The following CAP2 variants were observed in gnomAD, a reference collection of about 807,000 sequenced individuals.
The protein encoded by CAP2 is adenylyl cyclase-associated protein 2.
In CAP2, 24 loss-of-function variants were observed where a neutral mutation model predicts 57.7. The ratio of observed to expected loss-of-function variants is 0.42; its 90% CI spans 0.30 to 0.58. The LOEUF (loss-of-function observed/expected upper bound fraction) is 0.58, where lower values mean the gene tolerates loss of function less well. Ranked by LOEUF, CAP2 falls within the 20% of genes least tolerant of loss-of-function variation. The pLI is 0.22. For synonymous variants in CAP2, 194 were observed against 207.2 expected (o/e 0.94, Z 0.55); for missense variants, 501 against 590.3 (o/e 0.85, Z 1.57).
At chr6:17,486,378 T>C (rs1238919263) in intron 4 of CAP2, among the ~76,000 whole-genome samples, 2 of 151,862 alleles carry the variant, frequency 1.3e-5, no homozygotes, top group Admixed American at 6.6e-5. Context: ...CTAAGGCGGG[T>C]GGGTAGTTTA....
At chr6:17,484,893 A>T (rs1761383713) in intron 4 of CAP2, among the ~76,000 whole-genome samples, 1 of 152,200 alleles carries the variant, frequency 6.6e-6, no homozygotes, top group African/African-American at 2.4e-5. Context: ...TTCTCTGGCC[A>T]CAAATTGTTC....
rs960331912 is a variant in CAP2 at position 17,502,572 on chromosome 6, T to G, written c.301-4597T>G. 4.6e-5 allele frequency among the ~76,000 whole-genome samples: 7 copies of G among 152,302 alleles called. No individual in the cohort carries two copies. The East Asian group carries it at 1.3e-3, about 29-fold the overall frequency. The stretch of plus-strand genomic sequence containing the variant: ...GCCAAGCTAAAGCAAAAGAAAACTT[T>G]CTCAATCTTTATGATGCTTTCATCA... On this transcript the variant is annotated intron_variant, in intron 4 of 12. Transcript: ENST00000229922.
At position 17,498,896 on chromosome 6, in the gene CAP2, T is replaced by G. The variant is rs572343399; in HGVS notation, c.301-8273T>G. 8.6e-5 allele frequency among the ~76,000 whole-genome samples: 13 copies of G among 151,548 alleles called. No individual in the cohort carries two copies. In the South Asian group the frequency reaches 2.7e-3, roughly 32 times the overall value. ...GGCGCCCGCCACCACGCCCAGATAATTTTTTTGTATCTTTAGTAGAGGTGG... is the reference window on the plus strand; with the variant it reads ...GGCGCCCGCCACCACGCCCAGATAAGTTTTTTGTATCTTTAGTAGAGGTGG... On this transcript the variant is annotated intron_variant, in intron 4 of 12. Coordinates refer to ENST00000229922, the MANE Select transcript of CAP2 (RefSeq NM_006366.3).
rs141889409 is a variant in CAP2 at position 17,506,569 on chromosome 6, G to A, written c.301-600G>A. On this transcript the variant is annotated intron_variant, in intron 4 of 12. Coordinates refer to ENST00000229922, the MANE Select transcript of CAP2 (RefSeq NM_006366.3). The stretch of plus-strand genomic sequence containing the variant: ...GCAGGAGAATTGCTTGAACCTGGGA[G>A]GCGGAGGTCGCAGTGAGCCAATATC... Among the ~76,000 whole-genome samples, 1,282 of 152,080 alleles carry A rather than the reference G, an allele frequency of 8.4e-3. 17 individuals carry two copies. Among genetic ancestry groups the A allele is most frequent in the African/African-American group, 0.029 (1,197 of 41,468 alleles).
At chr6:17,467,865 G>A (rs986630755) in intron 4 of CAP2, among the ~76,000 whole-genome samples, 1 of 152,100 alleles carries the variant, frequency 6.6e-6, no homozygotes, top group African/African-American at 2.4e-5. Context: ...ATTGACTACA[G>A]TCACCCTGTT....
At chr6:17,458,615 A>G (rs1370306767) in intron 3 of CAP2, among the ~76,000 whole-genome samples, 1 of 152,202 alleles carries the variant, frequency 6.6e-6, no homozygotes, top group East Asian at 1.9e-4. Context: ...ACCTTACAGA[A>G]AATTATCTGA....
intron 8 of CAP2, among the ~76,000 whole-genome samples, chr6:17,540,706 A>G (rs1762878973): frequency 1.3e-5 from 2 of 152,292 alleles, no homozygotes; most frequent in South Asian, 2.1e-4. Context: ...GTGAGCCGAG[A>G]TCACGCCACT....
chr6:17,532,338 A>C (rs1338056852), intron 7 of CAP2, among the ~76,000 whole-genome samples: 1 of 150,258 alleles, frequency 6.7e-6, no homozygotes, highest in South Asian at 2.1e-4. Flanking sequence ...ACAGGGTTTC[A>C]CCATGTTGGC....
At position 17,496,027 on chromosome 6, in the gene CAP2, TG is replaced by T. The variant is rs562191454; in HGVS notation, c.301-11130del. Reference sequence around the variant, plus strand: ...CAACTGCTGTGCATGCGTGTGTGGGTGGGGGGGGGGGGTAAGTCAGGGAAAA... The same window carrying T: ...CAACTGCTGTGCATGCGTGTGTGGGTGGGGGGGGGGGTAAGTCAGGGAAAA... On this transcript the variant is annotated intron_variant, in intron 4 of 12. Transcript: ENST00000229922. 5.8e-3 allele frequency among the ~76,000 whole-genome samples: 259 copies of T among 44,278 alleles called. 4 individuals are homozygous for T. The highest frequency in any genetic ancestry group is 0.034 in the East Asian group (54 of 1,606). 29.0% of individuals were successfully genotyped at this position (44,278 alleles called of 152,430 possible). A position where few individuals can be genotyped will look rare whatever the true frequency, so the allele number is the denominator to read the frequency against.
chr6:17,404,377 G>A (rs1033500411), intron 1 of CAP2, among the ~76,000 whole-genome samples: 5 of 152,102 alleles, frequency 3.3e-5, no homozygotes, highest in African/African-American at 9.7e-5. Flanking sequence ...AGGCCAAGGC[G>A]GGCAGATCAC....
chr6:17,548,468 T>C (rs1435476584), intron 11 of CAP2, among the ~76,000 whole-genome samples: 1 of 152,082 alleles, frequency 6.6e-6, no homozygotes, highest in African/African-American at 2.4e-5. Context: ...GTGAGGTACC[T>C]AGCAAAAAAA....
At chr6:17,433,019 T>C (rs1759783268) in intron 3 of CAP2, among the ~76,000 whole-genome samples, 1 of 141,486 alleles carries the variant, frequency 7.1e-6, no homozygotes, top group Non-Finnish European at 1.5e-5. Context: ...TTCTATCTTC[T>C]ACAGAGAAGG....
Position 17,438,153 on chromosome 6 carries a change from G to T in CAP2, c.222+11463G>T, listed in dbSNP as rs1456507278. 2.7e-5 allele frequency among the ~76,000 whole-genome samples: 4 copies of T among 146,972 alleles called. No individual in the cohort carries two copies. The East Asian group carries it at 8.3e-4, about 31-fold the overall frequency. Reference sequence around the variant, plus strand: ...GAGGCCAAGGTGGGCGGATCACAAGGTCAGGAGTTCAAGACCAGCTTGGCC... The same window carrying T: ...GAGGCCAAGGTGGGCGGATCACAAGTTCAGGAGTTCAAGACCAGCTTGGCC... On this transcript the variant is annotated intron_variant, in intron 3 of 12. Coordinates refer to ENST00000229922, the MANE Select transcript of CAP2 (RefSeq NM_006366.3).
intron 1 of CAP2, among the ~76,000 whole-genome samples, chr6:17,408,660 CTTTT>C (rs35571407): frequency 8.3e-6 from 1 of 120,446 alleles, no homozygotes. Flanking sequence ...TGATAGCCTC[CTTTT>C]TTTTTTTTTT....
At chr6:17,526,149 G>T (rs1000043829) in intron 7 of CAP2, among the ~76,000 whole-genome samples, 2 of 148,300 alleles carry the variant, frequency 1.3e-5, no homozygotes, top group East Asian at 2.0e-4. Context: ...ATGGAGTCTC[G>T]CTCTGTCGCC....
chr6:17,521,752 C>T (rs7769963), intron 7 of CAP2, among the ~76,000 whole-genome samples: 51,731 of 151,968 alleles, frequency 0.34, 10,814 homozygotes, highest in Non-Finnish European at 0.46. Flanking sequence ...GTGGAAGATA[C>T]GGCCCATCCT....
chr6:17,397,427 G>GC (rs1290306841), intron 1 of CAP2, among the ~76,000 whole-genome samples: 1 of 151,960 alleles, frequency 6.6e-6, no homozygotes, highest in East Asian at 2.0e-4. Context: ...GGGCGTGGTG[G>GC]CTCACGCCTG....
At chr6:17,415,800 T>C (rs977699955) in intron 1 of CAP2, among the ~76,000 whole-genome samples, 1 of 152,180 alleles carries the variant, frequency 6.6e-6, no homozygotes, top group African/African-American at 2.4e-5. Flanking sequence ...GGCACATAGG[T>C]TGTTATTCTA....
intron 4 of CAP2, among the ~76,000 whole-genome samples, chr6:17,501,328 G>GA (rs1005525223): frequency 1.3e-5 from 2 of 151,854 alleles, no homozygotes; most frequent in Admixed American, 6.6e-5. Context: ...ACATCTACGG[G>GA]AAAAAAAATG....
Sources: allele counts gnomAD v4.1 joint callset (sites outside exome capture counted in the v4.1 genomes callset), GRCh38; gene constraint gnomAD v4.1.1; transcripts MANE v1.5; gene names NCBI Gene and HGNC (gene_info 2026-07-23, HGNC 2026-07-21).